SMOC2: variants seen among roughly 807,000 people sequenced by gnomAD.
SMOC2 encodes the protein SPARC related modular calcium binding 2, also known as SPARC-related modular calcium-binding protein 2.
In SMOC2, 39 loss-of-function variants were observed where a neutral mutation model predicts 61.4. The ratio of observed to expected loss-of-function variants is 0.64; its 90% CI spans 0.49 to 0.83. SMOC2 has a LOEUF of 0.83. Ranked by LOEUF, SMOC2 falls within the 40% of genes least tolerant of loss-of-function variation. The probability of loss-of-function intolerance (pLI) is 0.00; values close to 1 mark genes in which losing one functional copy is unlikely to be tolerated. For missense variants in SMOC2, 556 were observed against 592.9 expected, an observed-to-expected ratio of 0.94 and a Z score of 0.65; for synonymous variants, 247 against 239.9, an observed-to-expected ratio of 1.03 and a Z score of -0.27.
chr6:168,583,160 G>A (rs781467922), intron 7 of SMOC2, among the ~76,000 whole-genome samples: 25 of 152,244 alleles, frequency 1.6e-4, no homozygotes, highest in Non-Finnish European at 3.4e-4. Context: ...AAAAATACAG[G>A]TGGAAGGAAA....
At chr6:168,510,154 T>C in intron 2 of SMOC2, 68 bp downstream of exon 2, 3 of 1,498,138 alleles carry the variant, frequency 2.0e-6, no homozygotes, top group Non-Finnish European at 2.8e-6. Flanking sequence ...GCAAACATAT[T>C]TTCATACTTG....
intron 9 of SMOC2, among the ~76,000 whole-genome samples, chr6:168,645,095 T>G (rs1205711664): frequency 1.3e-5 from 2 of 152,214 alleles, no homozygotes; most frequent in African/African-American, 4.8e-5. Flanking sequence ...AATGTAAAAT[T>G]TTGTTAGTGT....
intron 9 of SMOC2, 151 bp from the exon 10 acceptor site, chr6:168,650,530 A>G (rs1272084116): frequency 3.2e-6 from 2 of 623,910 alleles, no homozygotes; most frequent in Non-Finnish European, 5.6e-6. Flanking sequence ...AATATATATA[A>G]TGCAATGTGT....
intron 1 of SMOC2, among the ~76,000 whole-genome samples, chr6:168,500,898 A>T (rs1039089909): frequency 1.3e-5 from 2 of 152,154 alleles, no homozygotes; most frequent in African/African-American, 4.8e-5. Flanking sequence ...AGCAATAAGG[A>T]TGGTGCCTGA....
At chr6:168,534,588 T>C (rs1783691153) in intron 4 of SMOC2, among the ~76,000 whole-genome samples, 1 of 152,258 alleles carries the variant, frequency 6.6e-6, no homozygotes, top group South Asian at 2.1e-4. Context: ...TTATGTTGAG[T>C]TATTCACAAC....
intron 7 of SMOC2, among the ~76,000 whole-genome samples, chr6:168,574,651 C>T (rs1185648992): frequency 3.3e-5 from 5 of 152,106 alleles, no homozygotes; most frequent in Non-Finnish European, 7.4e-5. Context: ...AGGGGGGATT[C>T]CTGTGCCGTG....
chr6:168,530,383 C>T (rs559440063), intron 4 of SMOC2, among the ~76,000 whole-genome samples: 4 of 152,014 alleles, frequency 2.6e-5, no homozygotes, highest in African/African-American at 9.7e-5. Context: ...TGCAAAATAC[C>T]TAAATTCCTA....
intron 1 of SMOC2, among the ~76,000 whole-genome samples, chr6:168,462,869 C>T (rs1315483500): frequency 2.0e-5 from 3 of 152,046 alleles, no homozygotes; most frequent in African/African-American, 7.2e-5. Context: ...GAAGGCAGAG[C>T]GGAGCCTTGG....
Position 168,454,611 on chromosome 6 carries a change from C to T in SMOC2, c.84+13157C>T, listed in dbSNP as rs544827851. 5.0e-4 allele frequency among the ~76,000 whole-genome samples: 76 copies of T among 152,170 alleles called. 6 individuals carry two copies. The highest frequency in any genetic ancestry group is 4.8e-5 in the African/African-American group (2 of 41,520). On this transcript the variant is annotated intron_variant, in intron 1 of 12. Coordinates refer to ENST00000356284, the MANE Select transcript of SMOC2 (RefSeq NM_001166412.2). ...GCAGGTAGACCGTTTGCCCTTCAGC[C>T]GGTGCTTGATCAGATTGTTCTTGGG...
intron 9 of SMOC2, among the ~76,000 whole-genome samples, chr6:168,634,199 T>A (rs1220533052): frequency 6.6e-6 from 1 of 152,198 alleles, no homozygotes; most frequent in East Asian, 1.9e-4. Flanking sequence ...GCTAGGGGAT[T>A]TCTAGAGCCT....
At chr6:168,502,061 A>G (rs1285967647) in intron 1 of SMOC2, among the ~76,000 whole-genome samples, 2 of 152,046 alleles carry the variant, frequency 1.3e-5, no homozygotes, top group African/African-American at 2.4e-5. Context: ...TTTACTGCAC[A>G]CTTCTCATTT....
intron 9 of SMOC2, among the ~76,000 whole-genome samples, chr6:168,612,901 C>T (rs914672338): frequency 6.6e-6 from 1 of 152,178 alleles, no homozygotes; most frequent in African/African-American, 2.4e-5. Flanking sequence ...GGCTCGAAAA[C>T]TTACAATGGA....
At chr6:168,650,553 T>C (rs956041440) in intron 9 of SMOC2, 128 bp from the exon 10 acceptor site, 1 of 709,098 alleles carries the variant, frequency 1.4e-6, no homozygotes, top group Non-Finnish European at 2.3e-6. Context: ...GTGTTTAAAC[T>C]AGCTCATTAA....
chr6:168,651,327 A>G (rs1787185566), intron 10 of SMOC2, among the ~76,000 whole-genome samples: 1 of 152,076 alleles, frequency 6.6e-6, no homozygotes, highest in South Asian at 2.1e-4. Context: ...AGTACCTGGT[A>G]GGCATTCCCG....
chr6:168,506,249 T>A (rs1270712828), intron 1 of SMOC2, among the ~76,000 whole-genome samples: 1 of 152,170 alleles, frequency 6.6e-6, no homozygotes, highest in Non-Finnish European at 1.5e-5. Flanking sequence ...TGGCCCAGGC[T>A]GGTCTCAAAC....
chr6:168,502,514 TC>T (rs1267930712), intron 1 of SMOC2, among the ~76,000 whole-genome samples: 1 of 152,222 alleles, frequency 6.6e-6, no homozygotes, highest in Non-Finnish European at 1.5e-5. Flanking sequence ...CAAATTCATC[TC>T]ATTCAATTGT....
In SMOC2 at chr6:168,656,526, A is replaced by AAAAAAAAAG. The variant is rs1787328226; in HGVS notation, c.1285+3302_1285+3303insAAAAGAAAA. Among the ~76,000 whole-genome samples, 3 of 120,038 alleles carry AAAAAAAAAG rather than the reference A, an allele frequency of 2.5e-5. No homozygotes were observed. The East Asian group carries it at 8.2e-4, about 33-fold the overall frequency. The allele number at this position is 120,038 out of a possible 152,430, so 78.7% of individuals were successfully genotyped here. A position where few individuals can be genotyped will look rare whatever the true frequency, so the allele number is the denominator to read the frequency against. On this transcript the variant is annotated intron_variant, in intron 11 of 12. Coordinates refer to ENST00000356284, the MANE Select transcript of SMOC2 (RefSeq NM_001166412.2). ...TTGTGTTAAAAAAAAAAAAAAAAAA[A>AAAAAAAAAG]AAAAGAAAAGAAAAGAAAAAGAGAA...
chr6:168,504,038 C>T (rs1562559507), intron 1 of SMOC2, among the ~76,000 whole-genome samples: 1 of 152,082 alleles, frequency 6.6e-6, no homozygotes, highest in African/African-American at 2.4e-5. Context: ...CTGGCCACCA[C>T]GATGACACAC....
chr6:168,468,158 T>A (rs976631249), intron 1 of SMOC2, among the ~76,000 whole-genome samples: 15 of 152,194 alleles, frequency 9.9e-5, no homozygotes, highest in African/African-American at 3.4e-4. Context: ...GTGTCAACAA[T>A]GAGCACCATG....
Sources: gnomAD v4.1 joint callset for allele counts (sites outside exome capture counted in the v4.1 genomes callset) on GRCh38, gnomAD v4.1.1 for gene constraint, MANE v1.5 for transcripts, NCBI Gene and HGNC (gene_info 2026-07-23, HGNC 2026-07-21) for gene names.